Variants in TP53BP1 observed in about 807,000 individuals in gnomAD.
TP53BP1 encodes TP53-binding protein 1.
Under a neutral mutation model 200.8 loss-of-function variants are expected in TP53BP1, and 61 were observed. The observed-to-expected ratio is 0.30, with a 90% confidence interval of 0.25 to 0.38. The LOEUF (loss-of-function observed/expected upper bound fraction) is 0.38. TP53BP1 is among the 10% of genes least tolerant of loss of function. TP53BP1 has a pLI of 1.00. For missense variants in TP53BP1, 2,144 were observed against 2,371.9 expected, an observed-to-expected ratio of 0.90 and a Z score of 2.00; for synonymous variants, 822 against 844.3, an observed-to-expected ratio of 0.97 and a Z score of 0.46.
intron 26 of TP53BP1, 92 bp from the exon 27 acceptor site, chr15:43,408,180 TC>T (rs769450021): frequency 1.7e-4 from 223 of 1,313,522 alleles, no homozygotes; most frequent in Non-Finnish European, 2.3e-4. Flanking sequence ...CTGAATGCTT[TC>T]AAAAATAAAT....
chr15:43,491,611 C>G, intron 4 of TP53BP1, 58 bp downstream of exon 4: 2 of 1,270,210 alleles, frequency 1.6e-6, no homozygotes, highest in Middle Eastern at 1.8e-4. Flanking sequence ...GCAACAGGTA[C>G]AGATAAAAGA....
chr15:43,420,990 C>A, intron 20 of TP53BP1, 35 bp downstream of exon 20: 1 of 1,589,452 alleles, frequency 6.3e-7, no homozygotes. Context: ...GTTTTCTGAA[C>A]AACAGACTAA....
intron 18 of TP53BP1, among the ~76,000 whole-genome samples, chr15:43,426,439 CAAA>C (rs538087512): frequency 1.4e-4 from 8 of 56,772 alleles, no homozygotes; most frequent in Admixed American, 3.9e-4. Context: ...GACTCTGTGT[CAAA>C]AAAAAAAAAA....
At chr15:43,492,655 C>T (rs1229676728) in intron 1 of TP53BP1, among the ~76,000 whole-genome samples, 187 bp from the exon 2 acceptor site, 2 of 152,106 alleles carry the variant, frequency 1.3e-5, no homozygotes, top group African/African-American at 4.8e-5. Context: ...AGTCACCATT[C>T]CTCGTTATTT....
At chr15:43,448,415 T>C (rs937143239) in intron 12 of TP53BP1, among the ~76,000 whole-genome samples, 3 of 152,208 alleles carry the variant, frequency 2.0e-5, no homozygotes, top group Non-Finnish European at 4.4e-5. Flanking sequence ...TCAAAATAAC[T>C]ATAATCTGGC....
intron 11 of TP53BP1, among the ~76,000 whole-genome samples, chr15:43,465,507 C>T (rs2046553984): frequency 6.6e-6 from 1 of 151,472 alleles, no homozygotes. Context: ...GAAGACTATT[C>T]TAGGAGTTTC....
chr15:43,498,359 C>T (rs1462564221), intron 1 of TP53BP1, among the ~76,000 whole-genome samples: 1 of 152,110 alleles, frequency 6.6e-6, no homozygotes, highest in East Asian at 1.9e-4. Flanking sequence ...AGTTAATATA[C>T]CAGTAAGGGA....
upstream of TP53BP1, chr15:43,493,214 A>T (rs1373443797): frequency 6.8e-7 from 1 of 1,469,610 alleles, no homozygotes; most frequent in African/African-American, 1.4e-5. Flanking sequence ...GCCGCCCGCC[A>T]CTCAAGAAAT....
At chr15:43,421,281 C>T in intron 19 of TP53BP1, 107 bp from the exon 20 acceptor site, 2 of 1,217,402 alleles carry the variant, frequency 1.6e-6, no homozygotes, top group Non-Finnish European at 2.3e-6. Context: ...ATGTGCTGAG[C>T]CTTTGGGGCA....
At position 43,438,420 on chromosome 15, in the gene TP53BP1, A is replaced by G. The variant is rs757210029; in HGVS notation, c.3099-4T>C. On this transcript the variant is annotated splice_region_variant and splice_polypyrimidine_tract_variant and intron_variant, in intron 15 of 27. Coordinates refer to ENST00000382044, the MANE Select transcript of TP53BP1 (RefSeq NM_001141980.3). ...CACAGACATGGTCTTCTGGGGACTAAGACAATATATTAAAGCAATATATTG... is the reference window on the plus strand; with the variant it reads ...CACAGACATGGTCTTCTGGGGACTAGGACAATATATTAAAGCAATATATTG... The G allele has an allele frequency of 4.4e-6, 7 of 1,608,348 alleles. No individual in the cohort carries two copies. The highest frequency in any genetic ancestry group is 5.9e-6 in the Non-Finnish European group (7 of 1,176,938).
chr15:43,405,106 A>G lies in TP53BP1; in HGVS notation c.*2277T>C. Reference sequence around the variant, plus strand: ...AAAGAAACTCTTCAGTTTTAAGATGACATTATTTAGATCACAGGTTATCCT... The same window carrying G: ...AAAGAAACTCTTCAGTTTTAAGATGGCATTATTTAGATCACAGGTTATCCT... On this transcript the variant is annotated 3_prime_UTR_variant, in exon 28 of 28. Coordinates refer to ENST00000382044, the MANE Select transcript of TP53BP1 (RefSeq NM_001141980.3). 7.1e-7 allele frequency: 1 copy of G among 1,405,226 alleles called. No homozygotes were observed. Among genetic ancestry groups the G allele is most frequent in the Non-Finnish European group, 1.0e-6 (1 of 1,001,056 alleles). 87.0% of individuals were successfully genotyped at this position (1,405,226 alleles called of 1,614,324 possible). A position where few individuals can be genotyped will look rare whatever the true frequency, so the allele number is the denominator to read the frequency against.
chr15:43,417,314 A>G (rs2045288910), intron 21 of TP53BP1: 1 of 152,248 alleles, frequency 6.6e-6, no homozygotes, highest in African/African-American at 2.4e-5. Context: ...TGAAGAGCTA[A>G]AAGAAACCCA....
intron 4 of TP53BP1, among the ~76,000 whole-genome samples, chr15:43,487,279 T>C (rs544792242): frequency 8.5e-5 from 13 of 152,064 alleles, no homozygotes; most frequent in African/African-American, 2.9e-4. Flanking sequence ...CACTACAGAC[T>C]TGTAATGGCT....
intron 21 of TP53BP1, among the ~76,000 whole-genome samples, chr15:43,417,523 T>C (rs2045294146): frequency 6.6e-6 from 1 of 152,236 alleles, no homozygotes; most frequent in Non-Finnish European, 1.5e-5. Flanking sequence ...GAAGAGCTAC[T>C]AGAACTAGAA....
At chr15:43,421,356 CAAGTA>C (rs988300248) in intron 19 of TP53BP1, among the ~76,000 whole-genome samples, 182 bp from the exon 20 acceptor site, 30 of 152,266 alleles carry the variant, frequency 2.0e-4, no homozygotes, top group African/African-American at 6.5e-4. Context: ...CGTGGGATAA[CAAGTA>C]AAGGACATTC....
chr15:43,484,965 C>T (rs1233896313), intron 4 of TP53BP1, among the ~76,000 whole-genome samples: 2 of 151,866 alleles, frequency 1.3e-5, no homozygotes, highest in African/African-American at 4.8e-5. Context: ...GTCCAGGCTG[C>T]TCTCAAACTC....
At chr15:43,409,145 G>C (rs1346530008) in intron 25 of TP53BP1, 49 bp from the exon 26 acceptor site, 1 of 1,565,128 alleles carries the variant, frequency 6.4e-7, no homozygotes, top group East Asian at 2.2e-5. Flanking sequence ...TCTGTGGAAA[G>C]CTCCTAAGCA....
intron 1 of TP53BP1, among the ~76,000 whole-genome samples, chr15:43,503,183 A>G (rs886856934): frequency 1.6e-4 from 25 of 152,256 alleles, no homozygotes; most frequent in Non-Finnish European, 2.9e-5. Flanking sequence ...GGGTGTGTGT[A>G]GCTATGACTC....
rs759377132 is a variant in TP53BP1, at chr15:43,456,888, T to C, written c.1720A>G (p.Met574Val). Residue 574 changes from methionine to valine, a missense_variant, in exon 12 of 28, where the codon ATG becomes GTG. Transcript: ENST00000382044. ...FVPAENDSIL[M>V]NPAQDGEVQL... is the part of the protein sequence containing the mutation. The stretch of plus-strand genomic sequence containing the variant: ...ACTTCACCATCCTGTGCTGGATTCA[T>C]CAGGATACTATCATTTTCAGCAGGA... 27 of 1,613,978 alleles carry C rather than the reference T, an allele frequency of 1.7e-5. No individual in the cohort carries two copies. The South Asian group carries it at 2.3e-4, about 14-fold the overall frequency.
Sources: allele counts gnomAD v4.1 joint callset (sites outside exome capture counted in the v4.1 genomes callset), GRCh38; gene constraint gnomAD v4.1.1; transcripts MANE v1.5; gene names NCBI Gene and HGNC (gene_info 2026-07-23, HGNC 2026-07-21).